The following MGAT4C variants were observed in gnomAD, a reference collection of about 807,000 sequenced individuals.
MGAT4C encodes MGAT4 family member C.
A neutral mutation model predicts 40.1 loss-of-function variants in MGAT4C; 19 were observed. The ratio of observed to expected loss-of-function variants is 0.47; its 90% CI spans 0.33 to 0.70. MGAT4C has a LOEUF of 0.70. Ranked by LOEUF, MGAT4C falls within the 30% of genes least tolerant of loss-of-function variation. The pLI is 0.02. For synonymous variants in MGAT4C, 181 were observed against 187.1 expected (o/e 0.97, Z 0.27); for missense variants, 491 against 563.2 (o/e 0.87, Z 1.30).
intron 2 of MGAT4C, among the ~76,000 whole-genome samples, chr12:86,577,234 G>A (rs1960600696): frequency 6.6e-6 from 1 of 151,720 alleles, no homozygotes; most frequent in Admixed American, 6.6e-5. Context: ...CCAAATATAA[G>A]ATCATATTAT....
At chr12:85,986,996 T>C (rs996106531) in intron 3 of MGAT4C, among the ~76,000 whole-genome samples, 1 of 151,736 alleles carries the variant, frequency 6.6e-6, no homozygotes, top group East Asian at 1.9e-4. Context: ...CGTCAGTAAA[T>C]AGTAAATTGT....
In MGAT4C at chr12:85,957,110, T is replaced by C. The variant is rs917401633; in HGVS notation, c.*22179A>G. On this transcript the variant is annotated 3_prime_UTR_variant, in exon 5 of 5. Coordinates refer to ENST00000611864, the MANE Select transcript of MGAT4C (RefSeq NM_001351288.2). ...TTATTATTTTGTTATTATCTATATT[T>C]CCTCATAGCAGCTCCTCTTAAAGAC... 7.9e-5 allele frequency: 12 copies of C among 152,316 alleles called. No homozygotes were observed. Among genetic ancestry groups the C allele is most frequent in the South Asian group, 4.1e-4 (2 of 4,828 alleles). 9.4% of individuals were successfully genotyped at this position (152,316 alleles called of 1,614,324 possible).
intron 1 of MGAT4C, among the ~76,000 whole-genome samples, chr12:86,727,506 G>A (rs1222497256): frequency 6.6e-6 from 1 of 151,908 alleles, no homozygotes; most frequent in African/African-American, 2.4e-5. Flanking sequence ...TTAGCTATCA[G>A]AGATCTTAAA....
At chr12:86,266,732 G>T (rs1368782392) in intron 4 of MGAT4C, among the ~76,000 whole-genome samples, 8 of 151,828 alleles carry the variant, frequency 5.3e-5, no homozygotes, top group Non-Finnish European at 1.2e-4. Flanking sequence ...TCATACCTTT[G>T]GTAGAATTTG....
intron 2 of MGAT4C, among the ~76,000 whole-genome samples, chr12:85,997,529 G>T (rs1463038191): frequency 1.3e-5 from 2 of 152,138 alleles, no homozygotes. Flanking sequence ...ATCAAAGCAA[G>T]CTAGTTACTG....
In MGAT4C at chr12:86,822,062, G is replaced by C. The variant is rs1034161783; in HGVS notation, c.-262+16604C>G. 4.6e-5 allele frequency among the ~76,000 whole-genome samples: 7 copies of C among 151,092 alleles called. No individual in the cohort carries two copies. The South Asian group carries it at 1.5e-3, about 31-fold the overall frequency. The stretch of plus-strand genomic sequence containing the variant: ...GACAACAATAATATAATGTTTATGA[G>C]GGTGTTAAAGTGTAGAGTTTTATAA... On this transcript the variant is annotated intron_variant, in intron 1 of 7. Coordinates refer to the MGAT4C transcript ENST00000548651.
intron 2 of MGAT4C, among the ~76,000 whole-genome samples, chr12:86,015,032 T>C (rs74422734): frequency 0.15 from 22,777 of 147,738 alleles, 2,129 homozygotes; most frequent in African/African-American, 0.26. Flanking sequence ...AGGCTGGTCT[T>C]GAACTTCTGA....
intron 2 of MGAT4C, among the ~76,000 whole-genome samples, chr12:86,685,447 T>C (rs1367458835): frequency 2.0e-5 from 3 of 152,196 alleles, no homozygotes; most frequent in South Asian, 2.1e-4. Context: ...AGCCTTGTAG[T>C]ATAGTTTGAA....
chr12:86,559,702 A>C (rs1248139843), intron 2 of MGAT4C, among the ~76,000 whole-genome samples: 1 of 152,016 alleles, frequency 6.6e-6, no homozygotes, highest in Non-Finnish European at 1.5e-5. Context: ...CAAAAAGGAT[A>C]AATTTTAAAT....
Position 86,359,625 on chromosome 12 carries a change from G to A in MGAT4C, c.-119-25498C>T, listed in dbSNP as rs562390143. ...GAAAAGAGAGAAGAATCAAATAGAC[G>A]CAATAAAAAATGATAAAGGGGATAT... On this transcript the variant is annotated intron_variant, in intron 3 of 7. Coordinates refer to the MGAT4C transcript ENST00000548651. Among the ~76,000 whole-genome samples the A allele has an allele frequency of 4.5e-4, 69 of 151,832 alleles. 1 individual carries two copies. The highest frequency in any genetic ancestry group is 2.3e-3 in the South Asian group (11 of 4,812).
chr12:86,622,604 G>T (rs1193889771), intron 2 of MGAT4C, among the ~76,000 whole-genome samples: 1 of 152,084 alleles, frequency 6.6e-6, no homozygotes, highest in Non-Finnish European at 1.5e-5. Flanking sequence ...CCAGCACCAT[G>T]TAACAAACCT....
At chr12:86,000,931 A>T (rs1390788357) in intron 2 of MGAT4C, among the ~76,000 whole-genome samples, 1 of 152,166 alleles carries the variant, frequency 6.6e-6, no homozygotes, top group African/African-American at 2.4e-5. Context: ...TCATATTTCT[A>T]GTATATTTCT....
chr12:86,437,773 T>C (rs902893083), intron 2 of MGAT4C, among the ~76,000 whole-genome samples: 10 of 151,916 alleles, frequency 6.6e-5, no homozygotes, highest in African/African-American at 1.9e-4. Flanking sequence ...TGTTTCATTA[T>C]ATCTACGATC....
chr12:86,734,961 T>A lies in MGAT4C; in HGVS notation c.-261-7720A>T, dbSNP rs367797172. 9.2e-5 allele frequency among the ~76,000 whole-genome samples: 14 copies of A among 152,012 alleles called. No homozygotes were observed. The East Asian group carries it at 1.6e-3, about 17-fold the overall frequency. On this transcript the variant is annotated intron_variant, in intron 1 of 7. Coordinates refer to the MGAT4C transcript ENST00000548651. Reference sequence around the variant, plus strand: ...AAGGAGTAGGAAAACATTTAAATAGTGTGTATAAGATGTTATTTAATTGCG... The same window carrying A: ...AAGGAGTAGGAAAACATTTAAATAGAGTGTATAAGATGTTATTTAATTGCG...
intron 2 of MGAT4C, among the ~76,000 whole-genome samples, chr12:86,601,043 C>T (rs1307193562): frequency 6.6e-6 from 1 of 152,244 alleles, no homozygotes; most frequent in Admixed American, 6.5e-5. Flanking sequence ...TGTCTCGGCC[C>T]CCTCCAGAAA....
intron 2 of MGAT4C, among the ~76,000 whole-genome samples, chr12:86,044,700 T>C (rs1323664875): frequency 6.6e-6 from 1 of 152,050 alleles, no homozygotes; most frequent in East Asian, 1.9e-4. Context: ...TTGAAGGAGC[T>C]ATGATGTGGG....
intron 2 of MGAT4C, among the ~76,000 whole-genome samples, chr12:86,029,646 T>G (rs1565881810): frequency 6.6e-6 from 1 of 151,952 alleles, no homozygotes; most frequent in Non-Finnish European, 1.5e-5. Context: ...TTCTCTATTT[T>G]CATTTTCTTC....
chr12:86,058,584 C>T (rs1252930809), intron 1 of MGAT4C, among the ~76,000 whole-genome samples: 1 of 152,048 alleles, frequency 6.6e-6, no homozygotes, highest in African/African-American at 2.4e-5. Flanking sequence ...GTGATATTAA[C>T]TTTATTTTTT....
intron 1 of MGAT4C, among the ~76,000 whole-genome samples, chr12:86,117,343 A>C (rs916795890): frequency 4.6e-5 from 7 of 152,202 alleles, no homozygotes; most frequent in Admixed American, 2.0e-4. Flanking sequence ...AGGAAGGAGA[A>C]TATAAGACAG....
Sources: gnomAD v4.1 joint callset for allele counts (sites outside exome capture counted in the v4.1 genomes callset) on GRCh38, gnomAD v4.1.1 for gene constraint, MANE v1.5 for transcripts, NCBI Gene and HGNC (gene_info 2026-07-23, HGNC 2026-07-21) for gene names.